The following AAK1 variants were observed in gnomAD, a reference collection of about 807,000 sequenced individuals.
The protein encoded by AAK1 is AP2-associated protein kinase 1.
AAK1 carries 37 observed loss-of-function variants against 116.0 expected under a neutral mutation model. The ratio of observed to expected loss-of-function variants is 0.32; its 90% CI spans 0.25 to 0.42. The LOEUF is 0.42. Among genes scored for constraint, AAK1 ranks in the 10% least tolerant of loss-of-function variants. AAK1 has a pLI of 1.00. For missense variants in AAK1, 919 were observed against 1,170.6 expected (o/e 0.79, Z 3.14); for synonymous variants, 458 against 439.9 (o/e 1.04, Z -0.51).
At chr2:69,520,801 T>C (rs774524615) in intron 11 of AAK1, 33 bp downstream of exon 11, 13 of 1,521,826 alleles carry the variant, frequency 8.5e-6, no homozygotes, top group Non-Finnish European at 1.1e-5. Context: ...AACAAAGAGG[T>C]GTATTGAGTT....
chr2:69,533,435 T>C (rs1670339748), intron 5 of AAK1, among the ~76,000 whole-genome samples: 1 of 152,162 alleles, frequency 6.6e-6, no homozygotes, highest in South Asian at 2.1e-4. Context: ...ATTATAATAG[T>C]CTCTAATTTC....
chr2:69,500,111 C>T (rs185099844), intron 16 of AAK1: 1 of 152,258 alleles, frequency 6.6e-6, no homozygotes, highest in African/African-American at 2.4e-5. Flanking sequence ...ATGACATTTC[C>T]TGCTTAGTTT....
At chr2:69,577,998 G>T in intron 2 of AAK1, among the ~76,000 whole-genome samples, 1 of 152,160 alleles carries the variant, frequency 6.6e-6, no homozygotes, top group East Asian at 1.9e-4. Flanking sequence ...TGGAAGGAAG[G>T]GCCAGAGTTG....
At chr2:69,510,463 G>C (rs536040148) in intron 13 of AAK1, among the ~76,000 whole-genome samples, 20 of 152,254 alleles carry the variant, frequency 1.3e-4, no homozygotes, top group African/African-American at 4.3e-4. Context: ...TGGGCATTTA[G>C]GTTGATCCCA....
intron 2 of AAK1, among the ~76,000 whole-genome samples, chr2:69,624,680 A>C (rs1480952818): frequency 6.6e-6 from 1 of 152,214 alleles, no homozygotes; most frequent in Non-Finnish European, 1.5e-5. Context: ...ATATGGAACC[A>C]GTATTCATTT....
intron 2 of AAK1, among the ~76,000 whole-genome samples, chr2:69,614,349 GT>G (rs1176725192): frequency 1.3e-5 from 2 of 152,160 alleles, no homozygotes; most frequent in East Asian, 3.9e-4. Flanking sequence ...ACAGGGACAG[GT>G]GTAACAGCTG....
intron 17 of AAK1, among the ~76,000 whole-genome samples, chr2:69,487,943 C>A (rs889734595): frequency 6.6e-6 from 1 of 151,922 alleles, no homozygotes; most frequent in Non-Finnish European, 1.5e-5. Context: ...GCGCCTGCCA[C>A]CACGCCCAGC....
chr2:69,636,657 T>C (rs1335611540), intron 2 of AAK1, among the ~76,000 whole-genome samples: 1 of 152,220 alleles, frequency 6.6e-6, no homozygotes, highest in East Asian at 1.9e-4. Flanking sequence ...AAAATGTGGC[T>C]AGTGCATCTG....
At chr2:69,488,194 C>A (rs78619954) in intron 17 of AAK1, among the ~76,000 whole-genome samples, 1 of 140,184 alleles carries the variant, frequency 7.1e-6, no homozygotes. Context: ...GGGAGGGGAA[C>A]AAAAGTTGAA....
chr2:69,465,866 C>T lies in AAK1; in HGVS notation c.*10003G>A. The T allele has an allele frequency of 7.7e-7, 1 of 1,290,872 alleles. No individual in the cohort carries two copies. The highest frequency in any genetic ancestry group is 1.0e-6 in the Non-Finnish European group (1 of 988,872). 80.0% of individuals were successfully genotyped at this position (1,290,872 alleles called of 1,614,324 possible). The stretch of plus-strand genomic sequence containing the variant: ...CTTGGACAGAGGTGTACACAGCTCT[C>T]TCACGGCCCGCGGGCAGGGGGACAT... On this transcript the variant is annotated 3_prime_UTR_variant, in exon 22 of 22. Coordinates refer to ENST00000409085, the MANE Select transcript of AAK1 (RefSeq NM_014911.5).
chr2:69,556,848 G>A lies in AAK1; in HGVS notation c.282+12C>T, dbSNP rs377539444. On this transcript the variant is annotated intron_variant, in intron 3 of 21. Transcript: ENST00000409085. ...CATTTTAAACAGTCCCAAGTCCAAG[G>A]GGCAGCCTTACCATTATCTGGATTT... 19 of 1,593,088 alleles carry A rather than the reference G, an allele frequency of 1.2e-5. No homozygotes were observed. The highest frequency in any genetic ancestry group is 2.7e-5 in the African/African-American group (2 of 74,442).
intron 2 of AAK1, among the ~76,000 whole-genome samples, chr2:69,572,977 C>G (rs1357626424): frequency 1.3e-5 from 2 of 152,326 alleles, no homozygotes; most frequent in South Asian, 2.1e-4. Flanking sequence ...ACTCAGCCCT[C>G]TTGGACAAAG....
chr2:69,621,056 C>T (rs757076612), intron 2 of AAK1, among the ~76,000 whole-genome samples: 2 of 152,234 alleles, frequency 1.3e-5, no homozygotes, highest in Non-Finnish European at 2.9e-5. Flanking sequence ...CTTGTATATA[C>T]ACTCATAGTA....
intron 2 of AAK1, among the ~76,000 whole-genome samples, chr2:69,557,943 A>G (rs1167092439): frequency 6.6e-6 from 1 of 152,226 alleles, no homozygotes; most frequent in African/African-American, 2.4e-5. Context: ...AAGGGTAAGA[A>G]AGTGCTATTC....
chr2:69,474,229 G>C lies in AAK1; in HGVS notation c.*1640C>G. 2.0e-6 allele frequency: 2 copies of C among 985,790 alleles called. No homozygotes were observed. Among genetic ancestry groups the C allele is most frequent in the Non-Finnish European group, 2.4e-6 (2 of 829,918 alleles). The allele number at this position is 985,790 out of a possible 1,614,324, so 61.1% of individuals were successfully genotyped here. Reference sequence around the variant, plus strand: ...CAAATGTGAGGAAGAAGAAACAAAAGTACTAGATAGCAAAACAAGCAAATG... The same window carrying C: ...CAAATGTGAGGAAGAAGAAACAAAACTACTAGATAGCAAAACAAGCAAATG... On this transcript the variant is annotated 3_prime_UTR_variant, in exon 22 of 22. Coordinates refer to ENST00000409085, the MANE Select transcript of AAK1 (RefSeq NM_014911.5).
chr2:69,521,713 TAAG>T (rs1301141890), intron 10 of AAK1, among the ~76,000 whole-genome samples: 1 of 152,220 alleles, frequency 6.6e-6, no homozygotes, highest in South Asian at 2.1e-4. Flanking sequence ...ACATGAGATG[TAAG>T]AAGATTATCA....
chr2:69,551,201 A>G (rs1049945469), intron 3 of AAK1, among the ~76,000 whole-genome samples: 6 of 152,196 alleles, frequency 3.9e-5, no homozygotes, highest in East Asian at 3.8e-4. Context: ...ATGAGAACAC[A>G]TGGACACATA....
intron 2 of AAK1, among the ~76,000 whole-genome samples, chr2:69,623,311 C>G (rs907424539): frequency 6.6e-6 from 1 of 152,296 alleles, no homozygotes; most frequent in South Asian, 2.1e-4. Flanking sequence ...GACCAAGAAC[C>G]CACCAATTCT....
intron 3 of AAK1, among the ~76,000 whole-genome samples, chr2:69,546,165 A>G (rs754693638): frequency 9.2e-5 from 14 of 152,080 alleles, no homozygotes; most frequent in Non-Finnish European, 1.8e-4. Context: ...TTTAAGGCGG[A>G]AGAAAAAGAG....
Sources: allele counts gnomAD v4.1 joint callset (sites outside exome capture counted in the v4.1 genomes callset), GRCh38; gene constraint gnomAD v4.1.1; transcripts MANE v1.5; gene names NCBI Gene and HGNC (gene_info 2026-07-23, HGNC 2026-07-21).